Variants in AEBP1 observed in about 807,000 individuals in gnomAD.
The protein encoded by AEBP1 is AE binding protein 1.
Under a neutral mutation model 116.5 loss-of-function variants are expected in AEBP1, and 69 were observed. That is an observed-to-expected ratio of 0.59 (90% CI 0.49 to 0.72). AEBP1 has a LOEUF of 0.72. Among genes scored for constraint, AEBP1 ranks in the 30% least tolerant of loss-of-function variants. AEBP1 has a pLI of 0.00. For missense variants in AEBP1, 1,444 were observed against 1,557.5 expected (o/e 0.93, Z 1.23); for synonymous variants, 627 against 627.3 (o/e 1.00, Z 0.01).
rs1468646493 is a variant in AEBP1 at position 44,113,706 on chromosome 7, G to T, written c.2922G>T (p.Gly974=). The T allele has an allele frequency of 6.2e-7, 1 of 1,614,006 alleles. No homozygotes were observed. The highest frequency in any genetic ancestry group is 1.1e-5 in the South Asian group (1 of 91,086). ...CCTGCAATGTTGACTATGACATCGG[G>T]GCCACTCAGTGCAACTTCATCCTGG... The part of the protein sequence containing the change: ...AKTCNVDYDI[G]ATQCNFILAR... Residue 974 remains glycine (G), a synonymous_variant, in exon 21 of 21, where the codon GGG becomes GGT. Coordinates refer to ENST00000223357, the MANE Select transcript of AEBP1 (RefSeq NM_001129.5). The surrounding 1 kb of genome is among the most constrained non-coding windows in gnomAD (Gnocchi z 5.3).
In AEBP1 at chr7:44,111,041, G is replaced by C; in HGVS notation, c.1614G>C (p.Leu538=). The change falls in exon 13 of 21, where the codon CTG becomes CTC. Residue 538 remains leucine (L), a synonymous_variant. Transcript: ENST00000223357. This position sits in a 1 kb window ranked among gnomAD's most constrained non-coding sequence, Gnocchi z 4.7. ...NGSLCMRLEV[L]GCSVAPVYSY... ...GCCTGTGCATGCGCCTGGAGGTGCT[G>C]GGGTGCTCTGTGGCCCGTGAGTGTG... is the stretch of plus-strand genomic sequence containing the variant. The C allele has an allele frequency of 6.2e-7, 1 of 1,611,530 alleles. No individual in the cohort carries two copies. Among genetic ancestry groups the C allele is most frequent in the Non-Finnish European group, 8.5e-7 (1 of 1,178,350 alleles).
At position 44,114,390 on chromosome 7, in the gene AEBP1, C is replaced by A; in HGVS notation, c.*129C>A. On this transcript the variant is annotated 3_prime_UTR_variant, in exon 21 of 21. Coordinates refer to ENST00000223357, the MANE Select transcript of AEBP1 (RefSeq NM_001129.5). Reference sequence around the variant, plus strand: ...CTGGTATGGACACTGAAAGGAAGGGCTGGTCCTGCCCCTTTGAGGGGGTGC... The same window carrying A: ...CTGGTATGGACACTGAAAGGAAGGGATGGTCCTGCCCCTTTGAGGGGGTGC... 1 of 1,064,898 alleles carries A rather than the reference C, an allele frequency of 9.4e-7. No homozygotes were observed. The highest frequency in any genetic ancestry group is 1.4e-6 in the Non-Finnish European group (1 of 732,896). The allele number at this position is 1,064,898 out of a possible 1,614,324, so 66.0% of individuals were successfully genotyped here.
At position 44,106,611 on chromosome 7, in the gene AEBP1, A is replaced by G; in HGVS notation, c.319A>G (p.Lys107Glu). ...GAAAGACAAAGGCCCCAAGGTGCCCAAGGAGTCCTTGGAGGGGTCCCCCAG... is the reference window on the plus strand; with the variant it reads ...GAAAGACAAAGGCCCCAAGGTGCCCGAGGAGTCCTTGGAGGGGTCCCCCAG... Reference protein sequence around the residue: ...GKKDKGPKVPKESLEGSPRPP... With the variant: ...GKKDKGPKVPEESLEGSPRPP... Residue 107 changes from lysine (K) to glutamate (E), a missense_variant, in exon 2 of 21, where the codon AAG becomes GAG. Physicochemically the swap from Lys to Glu is moderately conservative, Grantham distance 56 (BLOSUM62 1). Coordinates refer to ENST00000223357, the MANE Select transcript of AEBP1 (RefSeq NM_001129.5). The G allele has an allele frequency of 6.2e-7, 1 of 1,612,536 alleles. No homozygotes were observed. Among genetic ancestry groups the G allele is most frequent in the Non-Finnish European group, 8.5e-7 (1 of 1,179,634 alleles).
rs1335500511 is a variant in AEBP1 at position 44,111,279 on chromosome 7, C to T, written c.1716+40C>T. 2.0e-6 allele frequency: 3 copies of T among 1,490,922 alleles called. No individual in the cohort carries two copies. Among genetic ancestry groups the T allele is most frequent in the Non-Finnish European group, 2.7e-6 (3 of 1,118,420 alleles). 92.4% of individuals were successfully genotyped at this position (1,490,922 alleles called of 1,614,324 possible). A position where few individuals can be genotyped will look rare whatever the true frequency, so the allele number is the denominator to read the frequency against. On this transcript the variant is annotated intron_variant, in intron 14 of 20. Coordinates refer to ENST00000223357, the MANE Select transcript of AEBP1 (RefSeq NM_001129.5). The surrounding 1 kb of genome is among the most constrained non-coding windows in gnomAD (Gnocchi z 4.7). Reference sequence around the variant, plus strand: ...TCCTGGGGCTGGGGGTGGGACCTGTCTGTGGCTGACGGGAGTGTGTGCCTG... The same window carrying T: ...TCCTGGGGCTGGGGGTGGGACCTGTTTGTGGCTGACGGGAGTGTGTGCCTG...
chr7:44,113,224 G>T lies in AEBP1; in HGVS notation c.2710-28G>T. 1 of 1,613,574 alleles carries T rather than the reference G, an allele frequency of 6.2e-7. No homozygotes were observed. The highest frequency in any genetic ancestry group is 1.1e-5 in the South Asian group (1 of 91,060). On this transcript the variant is annotated intron_variant, in intron 19 of 20. Coordinates refer to ENST00000223357, the MANE Select transcript of AEBP1 (RefSeq NM_001129.5). The surrounding 1 kb of genome is among the most constrained non-coding windows in gnomAD (Gnocchi z 5.3). ...GCGGACCACATTGGACCTTCCTGAG[G>T]ACCAGCAGCCCTCACCTGCTTCCCT... is the stretch of plus-strand genomic sequence containing the variant.
At position 44,111,703 on chromosome 7, in the gene AEBP1, G is replaced by A. The variant is rs568804288; in HGVS notation, c.1840+73G>A. 7.5e-6 allele frequency: 12 copies of A among 1,589,922 alleles called. No homozygotes were observed. The highest frequency in any genetic ancestry group is 5.6e-5 in the South Asian group (5 of 88,636). On this transcript the variant is annotated intron_variant, in intron 15 of 20. Transcript: ENST00000223357. This position sits in a 1 kb window ranked among gnomAD's most constrained non-coding sequence, Gnocchi z 4.7. ...GAGCTCACTGCCTCCCGCCTGTTCCGGAGCCTCTCTGGGGATTCTGGCTTG... is the reference window on the plus strand; with the variant it reads ...GAGCTCACTGCCTCCCGCCTGTTCCAGAGCCTCTCTGGGGATTCTGGCTTG...
In AEBP1 at chr7:44,112,825, C is replaced by A. The variant is rs143544464; in HGVS notation, c.2485C>A (p.Pro829Thr). The A allele has an allele frequency of 1.5e-4, 236 of 1,612,190 alleles. 1 individual carries two copies. Among genetic ancestry groups the A allele is most frequent in the Middle Eastern group, 8.3e-4 (5 of 6,060 alleles). Reference sequence around the variant, plus strand: ...CTCCGCACACCTCACCTTGACCGAGCCCTACCGCGGAGGCTGCCAAGCCCA... The same window carrying A: ...CTCCGCACACCTCACCTTGACCGAGACCTACCGCGGAGGCTGCCAAGCCCA... ...FASAHLTLTE[P>T]YRGGCQAQDY... is the part of the protein sequence containing the mutation. The change falls in exon 18 of 21, where the codon CCC (proline) becomes ACC (threonine). Residue 829 changes from proline to threonine, a missense_variant. Coordinates refer to ENST00000223357, the MANE Select transcript of AEBP1 (RefSeq NM_001129.5). This position sits in a 1 kb window ranked among gnomAD's most constrained non-coding sequence, Gnocchi z 6.6.
In AEBP1 at chr7:44,110,749, C is replaced by T. The variant is rs778106615; in HGVS notation, c.1425C>T (p.Phe475=). 9 of 1,525,592 alleles carry T rather than the reference C, an allele frequency of 5.9e-6. No homozygotes were observed. The highest frequency in any genetic ancestry group is 2.1e-5 in the Admixed American group (1 of 47,670). 94.5% of individuals were successfully genotyped at this position (1,525,592 alleles called of 1,614,324 possible). A position where few individuals can be genotyped will look rare whatever the true frequency, so the allele number is the denominator to read the frequency against. Residue 475 remains phenylalanine, a synonymous_variant, in exon 12 of 21, where the codon TTC becomes TTT. Coordinates refer to ENST00000223357, the MANE Select transcript of AEBP1 (RefSeq NM_001129.5). ...SIHDDFVTTF[F]VGFSNDSQTW... ...GTGACGATTTTGTGACCACCTTCTT[C>T]GTGGGCTTCAGCAATGACAGCCAGA...
chr7:44,113,928 T>C lies in AEBP1; in HGVS notation c.3144T>C (p.Thr1048=). ...CCACCACCACCCTAGGCCCCCACAC[T>C]GTGCCTCCCACGCTGCCCCCTGCCC... ...LNATTTLGPH[T]VPPTLPPAPA... Residue 1048 remains threonine (T), a synonymous_variant, in exon 21 of 21, where the codon ACT becomes ACC. Coordinates refer to ENST00000223357, the MANE Select transcript of AEBP1 (RefSeq NM_001129.5). The surrounding 1 kb of genome is among the most constrained non-coding windows in gnomAD (Gnocchi z 5.3). The C allele has an allele frequency of 1.2e-6, 2 of 1,613,592 alleles. No individual in the cohort carries two copies. The highest frequency in any genetic ancestry group is 1.7e-6 in the Non-Finnish European group (2 of 1,179,930).
intron 11 of AEBP1, 76 bp from the exon 12 acceptor site, chr7:44,110,649 C>G (rs990622119): frequency 3.8e-5 from 51 of 1,329,936 alleles, no homozygotes; most frequent in Non-Finnish European, 4.5e-5. Context: ...TCTTGGGGCT[C>G]GGAAGAGGGA....
Position 44,104,745 on chromosome 7 carries a change from C to A in AEBP1, c.80C>A (p.Thr27Lys). 1 of 1,611,504 alleles carries A rather than the reference C, an allele frequency of 6.2e-7. No individual in the cohort carries two copies. The highest frequency in any genetic ancestry group is 8.5e-7 in the Non-Finnish European group (1 of 1,179,500). The change falls in exon 1 of 21, where the codon ACG becomes AAG. Residue 27 changes from threonine (T) to lysine (K), a missense_variant. Coordinates refer to ENST00000223357, the MANE Select transcript of AEBP1 (RefSeq NM_001129.5). Reference sequence around the variant, plus strand: ...CTGTGCCCTGGAGGGCGCCCGCAGACGGTGCTGACCGACGACGAGATCGAG... The same window carrying A: ...CTGTGCCCTGGAGGGCGCCCGCAGAAGGTGCTGACCGACGACGAGATCGAG... ...LALCPGGRPQ[T>K]VLTDDEIEEF...
chr7:44,105,977 C>T (rs2096222507), intron 1 of AEBP1, among the ~76,000 whole-genome samples: 1 of 152,202 alleles, frequency 6.6e-6, no homozygotes, highest in Non-Finnish European at 1.5e-5. Context: ...CCCCCCAGGA[C>T]TCCCTATCCT....
chr7:44,108,069 C>A lies in AEBP1; in HGVS notation c.925C>A (p.Pro309Thr). ...PPDYGDGYVI[P>T]NYDDMDYYFG... is the part of the protein sequence containing the mutation. ...TGACTATGGTGATGGTTACGTGATC[C>A]CCAACTACGATGACAGTGAGTACCC... The change falls in exon 6 of 21, where the codon CCC (proline) becomes ACC (threonine). Residue 309 changes from proline to threonine, a missense_variant. Pro to Thr is a conservative substitution (Grantham distance 38). Coordinates refer to ENST00000223357, the MANE Select transcript of AEBP1 (RefSeq NM_001129.5). This position sits in a 1 kb window ranked among gnomAD's most constrained non-coding sequence, Gnocchi z 5.0. 1 of 1,602,208 alleles carries A rather than the reference C, an allele frequency of 6.2e-7. No homozygotes were observed. The highest frequency in any genetic ancestry group is 2.3e-5 in the East Asian group (1 of 44,232).
In AEBP1 at chr7:44,109,715, TCTAC is replaced by T. The variant is rs1400224053; in HGVS notation, c.1151-297_1151-294del. The T allele has an allele frequency of 3.5e-5, 20 of 565,364 alleles. No homozygotes were observed. In the South Asian group the frequency reaches 4.2e-4, roughly 12 times the overall value. 35.0% of individuals were successfully genotyped at this position (565,364 alleles called of 1,614,324 possible). On this transcript the variant is annotated intron_variant, in intron 9 of 20. Coordinates refer to ENST00000223357, the MANE Select transcript of AEBP1 (RefSeq NM_001129.5). ...ATCTGTGGCTGCGCCCTGGGGGAGC[TCTAC>T]CTGTGATTTCACGTGTGTCCCCTGA...
chr7:44,113,825 AACAGCGACGCCTGCAGCAGCGACGCCT>A lies in AEBP1; in HGVS notation c.3045_3071del (p.Arg1016_Gln1024del), dbSNP rs2096233125. ...GACCCATCGCGCCCTATGACCCCCC[AACAGCGACGCCTGCAGCAGCGACGCCT>A]ACAACACCGCCTGCGGCTTCGGGCA... On this transcript the variant is annotated inframe_deletion, in exon 21 of 21. Transcript: ENST00000223357. The surrounding 1 kb of genome is among the most constrained non-coding windows in gnomAD (Gnocchi z 5.3). 2 of 1,613,728 alleles carry A rather than the reference AACAGCGACGCCTGCAGCAGCGACGCCT, an allele frequency of 1.2e-6. No individual in the cohort carries two copies. Among genetic ancestry groups the A allele is most frequent in the Admixed American group, 3.3e-5 (2 of 59,992 alleles).
In AEBP1 at chr7:44,111,899, T is replaced by G. The variant is rs777052714; in HGVS notation, c.1886T>G (p.Val629Gly). 6.2e-7 allele frequency: 1 copy of G among 1,613,600 alleles called. No individual in the cohort carries two copies. The highest frequency in any genetic ancestry group is 1.1e-5 in the South Asian group (1 of 91,066). Residue 629 changes from valine to glycine, a missense_variant, in exon 16 of 21, where the codon GTG (valine) becomes GGG (glycine). Val to Gly is a moderately radical substitution (Grantham distance 109). Coordinates refer to ENST00000223357, the MANE Select transcript of AEBP1 (RefSeq NM_001129.5). The surrounding 1 kb of genome is among the most constrained non-coding windows in gnomAD (Gnocchi z 4.7). ...ACTGCTGGGATCCATGGCAACGAGG[T>G]GCTGGGCCGAGAGCTGTTGCTGCTG... ...RYTAGIHGNE[V>G]LGRELLLLLM...
Position 44,111,546 on chromosome 7 carries a change from C to T in AEBP1, c.1756C>T (p.Arg586Cys), listed in dbSNP as rs774295668. The change falls in exon 15 of 21, where the codon CGC becomes TGC. Residue 586 changes from arginine (R) to cysteine (C), a missense_variant. Coordinates refer to ENST00000223357, the MANE Select transcript of AEBP1 (RefSeq NM_001129.5). The surrounding 1 kb of genome is among the most constrained non-coding windows in gnomAD (Gnocchi z 4.7). ...VVNEECPTIT[R>C]TYSLGKSSRG... ...GAACGAGGAGTGCCCCACCATCACC[C>T]GCACTTACAGCCTGGGCAAGAGCTC... 1.4e-5 allele frequency: 23 copies of T among 1,609,326 alleles called. No homozygotes were observed. The highest frequency in any genetic ancestry group is 1.1e-4 in the African/African-American group (8 of 74,654).
chr7:44,109,042 C>CTCAGGCAGG, intron 7 of AEBP1, 65 bp from the exon 8 acceptor site: 1 of 1,610,308 alleles, frequency 6.2e-7, no homozygotes. Flanking sequence ...CTGCCTGATC[C>CTCAGGCAGG]ACCCCACATG....
chr7:44,107,183 C>T lies in AEBP1; in HGVS notation c.596-256C>T, dbSNP rs964947507. 1.3e-5 allele frequency among the ~76,000 whole-genome samples: 2 copies of T among 152,208 alleles called. No individual in the cohort carries two copies. The highest frequency in any genetic ancestry group is 2.9e-5 in the Non-Finnish European group (2 of 68,020). On this transcript the variant is annotated intron_variant, in intron 2 of 20. Coordinates refer to ENST00000223357, the MANE Select transcript of AEBP1 (RefSeq NM_001129.5). This position sits in a 1 kb window ranked among gnomAD's most constrained non-coding sequence, Gnocchi z 4.3. ...CATGGAGTTCCCTCCTGCCTTCTCC[C>T]GCTGGGGACAGCTTTGTGGTAGGGC...
Sources: gnomAD v4.1 joint callset for allele counts (sites outside exome capture counted in the v4.1 genomes callset) on GRCh38, gnomAD v4.1.1 for gene constraint, Gnocchi (gnomAD v3.1) non-coding constraint, MANE v1.5 for transcripts, NCBI Gene and HGNC (gene_info 2026-07-23, HGNC 2026-07-21) for gene names.